Variants in ATP11A observed in about 807,000 individuals in gnomAD.
ATP11A encodes the protein phospholipid-transporting ATPase IH.
A neutral mutation model predicts 154.4 loss-of-function variants in ATP11A; 81 were observed. That is an observed-to-expected ratio of 0.52 (90% CI 0.44 to 0.63). The LOEUF (loss-of-function observed/expected upper bound fraction) is 0.63. Among genes scored for constraint, ATP11A ranks in the 30% least tolerant of loss-of-function variants. The probability of loss-of-function intolerance (pLI) is 0.00; values close to 1 mark genes in which losing one functional copy is unlikely to be tolerated. For missense variants in ATP11A, 1,316 were observed against 1,474.3 expected (o/e 0.89, Z 1.76); for synonymous variants, 623 against 585.9 (o/e 1.06, Z -0.91).
intron 1 of ATP11A, among the ~76,000 whole-genome samples, chr13:112,737,348 A>G (rs1026228770): frequency 2.6e-5 from 4 of 152,204 alleles, no homozygotes; most frequent in Admixed American, 6.5e-5. Context: ...TGAGCCGCAC[A>G]CCCAGGGCAG....
intron 1 of ATP11A, among the ~76,000 whole-genome samples, chr13:112,737,013 T>C (rs532075180): frequency 1.1e-4 from 17 of 152,138 alleles, no homozygotes; most frequent in Non-Finnish European, 2.4e-4. Context: ...CCAGTAAATA[T>C]ATGCTCCTGG....
chr13:112,742,054 T>G (rs1891618070), intron 1 of ATP11A, among the ~76,000 whole-genome samples: 1 of 151,678 alleles, frequency 6.6e-6, no homozygotes. Flanking sequence ...GTGCTCCCCC[T>G]CCCCACAGTG....
At chr13:112,853,583 G>A (rs986873175) in intron 18 of ATP11A, among the ~76,000 whole-genome samples, 6 of 152,242 alleles carry the variant, frequency 3.9e-5, no homozygotes, top group African/African-American at 1.4e-4. Context: ...TCTGACTGCT[G>A]TCGGAAGAGC....
rs1327070833 is a variant in ATP11A at position 112,707,432 on chromosome 13, AAAG to A, written c.39+16987_39+16989del. 5.8e-3 allele frequency among the ~76,000 whole-genome samples: 883 copies of A among 151,108 alleles called. 5 individuals are homozygous for A. Among genetic ancestry groups the A allele is most frequent in the African/African-American group, 0.02 (824 of 41,088 alleles). On this transcript the variant is annotated intron_variant, in intron 1 of 29. Coordinates refer to ENST00000375645, the MANE Select transcript of ATP11A (RefSeq NM_015205.3). The stretch of plus-strand genomic sequence containing the variant: ...TTCTGTCTCAAAAAAAAAAAAAAAA[AAAG>A]AAGAAGAAGTTTTGCAGAGGAGACG...
Position 112,787,437 on chromosome 13 carries a change from C to G in ATP11A, c.162+2180C>G, listed in dbSNP as rs148379807. On this transcript the variant is annotated intron_variant, in intron 2 of 29. Transcript: ENST00000375645. Reference sequence around the variant, plus strand: ...GACCCCTGTGGAGACCTACTTAATTCACACCGGGTGTCCTGATGTGTAGAC... The same window carrying G: ...GACCCCTGTGGAGACCTACTTAATTGACACCGGGTGTCCTGATGTGTAGAC... Among the ~76,000 whole-genome samples the G allele has an allele frequency of 5.4e-3, 693 of 127,690 alleles. 24 individuals carry two copies. The East Asian group carries it at 0.064, about 12-fold the overall frequency. The allele number at this position is 127,690 out of a possible 152,430, so 83.8% of individuals were successfully genotyped here. A position where few individuals can be genotyped will look rare whatever the true frequency, so the allele number is the denominator to read the frequency against.
intron 2 of ATP11A, among the ~76,000 whole-genome samples, chr13:112,802,836 A>T (rs1265866790): frequency 6.6e-6 from 1 of 152,204 alleles, no homozygotes; most frequent in Non-Finnish European, 1.5e-5. Context: ...AATATGAGCC[A>T]CTGACTGGGA....
intron 1 of ATP11A, among the ~76,000 whole-genome samples, chr13:112,713,278 C>T (rs1251933186): frequency 6.6e-6 from 1 of 152,024 alleles, no homozygotes; most frequent in Non-Finnish European, 1.5e-5. Context: ...GCCTGTAATC[C>T]CAGCTACTCA....
In ATP11A at chr13:112,785,936, G is replaced by A. The variant is rs1367198712; in HGVS notation, c.162+679G>A. 6.6e-6 allele frequency among the ~76,000 whole-genome samples: 1 copy of A among 151,836 alleles called. No individual in the cohort carries two copies. Among genetic ancestry groups the A allele is most frequent in the Non-Finnish European group, 1.5e-5 (1 of 67,958 alleles). On this transcript the variant is annotated intron_variant, in intron 2 of 29. Coordinates refer to ENST00000375645, the MANE Select transcript of ATP11A (RefSeq NM_015205.3). The surrounding 1 kb of genome is among the most constrained non-coding windows in gnomAD (Gnocchi z 4.8). The stretch of plus-strand genomic sequence containing the variant: ...CAGGTAATGCGGAACGCACGTGCCT[G>A]CGTTCAGACTCCATTTATCTTCACC...
At chr13:112,764,934 G>A (rs749063781) in intron 1 of ATP11A, among the ~76,000 whole-genome samples, 1 of 152,182 alleles carries the variant, frequency 6.6e-6, no homozygotes. Flanking sequence ...TAGAAGCCCC[G>A]ACACTTGCCT....
chr13:112,719,948 AT>A (rs1442821026), intron 1 of ATP11A, among the ~76,000 whole-genome samples: 1 of 152,218 alleles, frequency 6.6e-6, no homozygotes, highest in East Asian at 1.9e-4. Flanking sequence ...TAAGAAAGTC[AT>A]ATCCCAAGTG....
chr13:112,772,789 G>A (rs745005), intron 1 of ATP11A, among the ~76,000 whole-genome samples: 17,433 of 152,288 alleles, frequency 0.11, 1,690 homozygotes, highest in African/African-American at 0.26. Context: ...GGGTCACCCC[G>A]CATTTCCCTG....
intron 17 of ATP11A, 69 bp from the exon 18 acceptor site, chr13:112,850,968 G>A: frequency 6.8e-7 from 1 of 1,466,820 alleles, no homozygotes. Flanking sequence ...TACTGGGAAG[G>A]CCGTGGAGCG....
chr13:112,774,932 G>A (rs776090216), intron 1 of ATP11A, among the ~76,000 whole-genome samples: 8 of 152,112 alleles, frequency 5.3e-5, no homozygotes, highest in Non-Finnish European at 7.4e-5. Context: ...ACCTTCCCCC[G>A]TCACGGGAGC....
chr13:112,699,455 C>T (rs78926899), intron 1 of ATP11A, among the ~76,000 whole-genome samples: 2,288 of 152,292 alleles, frequency 0.015, 58 homozygotes, highest in African/African-American at 0.051. Flanking sequence ...TATTATGTCA[C>T]ACATCATTTG....
At chr13:112,779,881 G>C (rs1326255962) in intron 1 of ATP11A, among the ~76,000 whole-genome samples, 2 of 151,962 alleles carry the variant, frequency 1.3e-5, no homozygotes, top group African/African-American at 4.8e-5. Context: ...TCCAGCCTGG[G>C]TGATGAGAGC....
chr13:112,751,689 A>AC (rs1555314684), intron 1 of ATP11A, among the ~76,000 whole-genome samples: 1,612 of 151,900 alleles, frequency 0.011, 30 homozygotes, highest in African/African-American at 0.034. Context: ...AAAAAAAAAA[A>AC]CAGACATTGG....
chr13:112,815,197 T>C (rs2078609621), intron 5 of ATP11A, among the ~76,000 whole-genome samples: 1 of 151,956 alleles, frequency 6.6e-6, no homozygotes, highest in African/African-American at 2.4e-5. Flanking sequence ...AGTCCAGATC[T>C]GCGATGGCTT....
intron 2 of ATP11A, among the ~76,000 whole-genome samples, chr13:112,802,287 G>T (rs367896371): frequency 6.6e-6 from 1 of 151,982 alleles, no homozygotes; most frequent in Non-Finnish European, 1.5e-5. Flanking sequence ...CAGAGCTTGC[G>T]GTGAGCCGAG....
intron 1 of ATP11A, among the ~76,000 whole-genome samples, chr13:112,719,648 CAGG>C (rs1468795000): frequency 1.9e-4 from 2 of 10,418 alleles, no homozygotes; most frequent in East Asian, 0.036. Context: ...TGGTGAACTT[CAGG>C]TTACTTCAGG....
Sources: allele counts gnomAD v4.1 joint callset (sites outside exome capture counted in the v4.1 genomes callset), GRCh38; gene constraint gnomAD v4.1.1; non-coding constraint Gnocchi (gnomAD v3.1); transcripts MANE v1.5; gene names NCBI Gene and HGNC (gene_info 2026-07-23, HGNC 2026-07-21).